Variants in RALGAPA1 observed in about 807,000 individuals in gnomAD.
RALGAPA1 encodes the protein Ral GTPase activating protein catalytic subunit alpha 1, also known as ral GTPase-activating protein subunit alpha-1.
Under a neutral mutation model 269.6 loss-of-function variants are expected in RALGAPA1, and 52 were observed. That is an observed-to-expected ratio of 0.19 (90% confidence interval 0.15 to 0.24). The LOEUF (loss-of-function observed/expected upper bound fraction) is 0.24, where lower values mean the gene tolerates loss of function less well. RALGAPA1 is among the 10% of genes least tolerant of loss of function. The pLI, the probability that RALGAPA1 is intolerant of heterozygous loss-of-function variation, is 1.00. For synonymous variants in RALGAPA1, 817 were observed against 1,008.3 expected, an observed-to-expected ratio of 0.81 and a Z score of 3.60; for missense variants, 1,917 against 3,013.9, an observed-to-expected ratio of 0.64 and a Z score of 8.52.
At chr14:35,807,621 T>C (rs976250293) in intron 1 of RALGAPA1, among the ~76,000 whole-genome samples, 2 of 152,208 alleles carry the variant, frequency 1.3e-5, no homozygotes, top group Admixed American at 6.5e-5. Context: ...ATCATCTACC[T>C]ATAGAGTTAT....
intron 35 of RALGAPA1, among the ~76,000 whole-genome samples, chr14:35,622,153 G>A (rs959618198): frequency 2.6e-5 from 4 of 152,136 alleles, no homozygotes; most frequent in Non-Finnish European, 4.4e-5. Context: ...AGAAACTGTG[G>A]CACATATACA....
chr14:35,542,157 A>C (rs1323674961), intron 41 of RALGAPA1: 1 of 430,532 alleles, frequency 2.3e-6, no homozygotes, highest in Admixed American at 3.8e-5. Context: ...TCAGACATAA[A>C]ATCTCTAGAG....
At chr14:35,620,355 G>A (rs1281338234) in intron 35 of RALGAPA1, among the ~76,000 whole-genome samples, 4 of 151,978 alleles carry the variant, frequency 2.6e-5, no homozygotes, top group African/African-American at 9.7e-5. Context: ...CTGATGCAAC[G>A]TATCTCAAAA....
At chr14:35,629,968 C>A (rs557566962) in intron 33 of RALGAPA1, among the ~76,000 whole-genome samples, 1 of 151,128 alleles carries the variant, frequency 6.6e-6, no homozygotes, top group African/African-American at 2.5e-5. Context: ...CCTCAATAAA[C>A]CTAACTTTAA....
chr14:35,752,249 AG>A (rs1287613817), intron 7 of RALGAPA1, 87 bp from the exon 8 acceptor site: 2 of 1,331,860 alleles, frequency 1.5e-6, no homozygotes, highest in Non-Finnish European at 2.0e-6. Context: ...AGCTTGTAAA[AG>A]GTTGCAATAC....
At chr14:35,662,677 C>A (rs1002774428) in intron 27 of RALGAPA1, among the ~76,000 whole-genome samples, 8 of 152,272 alleles carry the variant, frequency 5.3e-5, no homozygotes, top group Admixed American at 1.3e-4. Context: ...TAACCCCTAA[C>A]TCACTCAAAA....
At chr14:35,630,576 C>A (rs2061299094) in intron 33 of RALGAPA1, among the ~76,000 whole-genome samples, 1 of 152,142 alleles carries the variant, frequency 6.6e-6, no homozygotes, top group African/African-American at 2.4e-5. Flanking sequence ...GTGACTGCAC[C>A]CACCCAACAT....
At position 35,692,571 on chromosome 14, in the gene RALGAPA1, TA is replaced by T. The variant is rs985611343; in HGVS notation, c.2408-2569del. Among the ~76,000 whole-genome samples the T allele has an allele frequency of 5.5e-3, 800 of 144,400 alleles. 1 individual carries two copies. Among genetic ancestry groups the T allele is most frequent in the African/African-American group, 0.017 (683 of 39,870 alleles). 94.7% of individuals were successfully genotyped at this position (144,400 alleles called of 152,430 possible). A position where few individuals can be genotyped will look rare whatever the true frequency, so the allele number is the denominator to read the frequency against. ...TGCAAGCTTAAGAGGGAAAGAGCTT[TA>T]AAAAAAAAAAATGTAACTGGTTTTT... On this transcript the variant is annotated intron_variant, in intron 17 of 41. Coordinates refer to ENST00000680220, the MANE Select transcript of RALGAPA1 (RefSeq NM_001346249.2).
chr14:35,728,274 C>T, intron 13 of RALGAPA1, 88 bp downstream of exon 13: 1 of 1,214,006 alleles, frequency 8.2e-7, no homozygotes, highest in East Asian at 2.8e-5. Flanking sequence ...GTAAACAAAC[C>T]CTCTTCACAG....
intron 36 of RALGAPA1, among the ~76,000 whole-genome samples, chr14:35,601,481 C>T (rs1449051580): frequency 6.6e-6 from 1 of 152,162 alleles, no homozygotes; most frequent in African/African-American, 2.4e-5. Flanking sequence ...AAGGAATTGT[C>T]TGTGGTGTTT....
At chr14:35,737,759 CAAAAAAAAAAAAAA>C (rs60152249) in intron 12 of RALGAPA1, among the ~76,000 whole-genome samples, 62 of 17,416 alleles carry the variant, frequency 3.6e-3, no homozygotes, top group South Asian at 7.0e-3. Context: ...AAATCCATCT[CAAAAAAAAAAAAAA>C]AAAAAAAAAA....
rs1484224688 is a variant in RALGAPA1, at chr14:35,664,629, T to C, written c.5328+13A>G. 7 of 1,588,584 alleles carry C rather than the reference T, an allele frequency of 4.4e-6. No homozygotes were observed. Among genetic ancestry groups the C allele is most frequent in the East Asian group, 4.5e-5 (2 of 44,586 alleles). The stretch of plus-strand genomic sequence containing the variant: ...ATCATTTAAGTGCTAAAAATTAGCA[T>C]CTCATTTCTTACCTTAACATCTGTA... On this transcript the variant is annotated intron_variant, in intron 27 of 41. Transcript: ENST00000680220.
At chr14:35,714,836 C>T (rs1222206352) in intron 16 of RALGAPA1, among the ~76,000 whole-genome samples, 1 of 152,026 alleles carries the variant, frequency 6.6e-6, no homozygotes, top group Non-Finnish European at 1.5e-5. Flanking sequence ...TTGTTTTACC[C>T]TCCATTTGAA....
chr14:35,745,785 A>AAAT (rs2072025636), intron 10 of RALGAPA1, among the ~76,000 whole-genome samples: 1 of 147,480 alleles, frequency 6.8e-6, no homozygotes, highest in East Asian at 2.0e-4. Context: ...AAAAAAAAAA[A>AAAT]AAGGCAGAAA....
chr14:35,633,448 A>T (rs1179218021), intron 33 of RALGAPA1, among the ~76,000 whole-genome samples: 16 of 152,168 alleles, frequency 1.1e-4, no homozygotes, highest in South Asian at 4.1e-4. Context: ...TGTTCTAGAC[A>T]ACCTATCTGT....
At chr14:35,558,720 C>A (rs1275551796) in intron 39 of RALGAPA1, among the ~76,000 whole-genome samples, 1 of 152,130 alleles carries the variant, frequency 6.6e-6, no homozygotes, top group Non-Finnish European at 1.5e-5. Context: ...GCAACCCCTT[C>A]CCCTCCTCCC....
chr14:35,610,466 T>G (rs1325252601), intron 35 of RALGAPA1, among the ~76,000 whole-genome samples: 1 of 152,036 alleles, frequency 6.6e-6, no homozygotes, highest in African/African-American at 2.4e-5. Context: ...GTATTTTTAG[T>G]ACAGATGGGG....
At chr14:35,652,131 A>G (rs2062869125) in intron 30 of RALGAPA1, among the ~76,000 whole-genome samples, 1 of 152,152 alleles carries the variant, frequency 6.6e-6, no homozygotes, top group South Asian at 2.1e-4. Context: ...TTTCTTCCCA[A>G]TTCAAGGGGG....
At chr14:35,741,759 G>A (rs1437541414) in intron 11 of RALGAPA1, among the ~76,000 whole-genome samples, 2 of 152,202 alleles carry the variant, frequency 1.3e-5, no homozygotes, top group Non-Finnish European at 2.9e-5. Flanking sequence ...TGTGACAAAG[G>A]TTGAACAATC....
Sources: allele counts gnomAD v4.1 joint callset (sites outside exome capture counted in the v4.1 genomes callset), GRCh38; gene constraint gnomAD v4.1.1; transcripts MANE v1.5; gene names NCBI Gene and HGNC (gene_info 2026-07-23, HGNC 2026-07-21).